COL24A1: variants seen among roughly 807,000 people sequenced by gnomAD.
The protein encoded by COL24A1 is collagen type XXIV alpha 1 chain, also known as collagen alpha-1(XXIV) chain.
COL24A1 carries 224 observed loss-of-function variants against 253.9 expected under a neutral mutation model. The ratio of observed to expected loss-of-function variants is 0.88; its 90% CI spans 0.79 to 0.99. The LOEUF (loss-of-function observed/expected upper bound fraction) is 0.99. Ranked by LOEUF, COL24A1 falls within the 50% of genes least tolerant of loss-of-function variation. COL24A1 has a pLI of 0.00. For missense variants in COL24A1, 2,131 were observed against 2,068.5 expected (o/e 1.03, Z -0.59); for synonymous variants, 685 against 673.7 (o/e 1.02, Z -0.26).
intron 7 of COL24A1, among the ~76,000 whole-genome samples, chr1:86,073,577 C>G (rs1702022510): frequency 6.6e-6 from 1 of 152,178 alleles, no homozygotes; most frequent in Admixed American, 6.5e-5. Context: ...CTTCCCCAAC[C>G]TAGCAAGACA....
At chr1:85,853,348 CT>C (rs952272553) in intron 37 of COL24A1, among the ~76,000 whole-genome samples, 31 of 149,244 alleles carry the variant, frequency 2.1e-4, no homozygotes, top group Non-Finnish European at 2.7e-4. Flanking sequence ...ATACATACCA[CT>C]TTTTTTTTTA....
intron 32 of COL24A1, among the ~76,000 whole-genome samples, chr1:85,885,483 A>T (rs1682391977): frequency 6.6e-6 from 1 of 151,554 alleles, no homozygotes; most frequent in African/African-American, 2.4e-5. Context: ...GGCCTCCCAA[A>T]GTGCTGGGTT....
At chr1:85,981,317 G>T (rs780850759) in intron 20 of COL24A1, among the ~76,000 whole-genome samples, 8 of 152,128 alleles carry the variant, frequency 5.3e-5, no homozygotes, top group Non-Finnish European at 7.3e-5. Flanking sequence ...GGCCAGACAA[G>T]AGAACCCAGA....
In COL24A1 at chr1:86,037,413, G is replaced by T. The variant is rs191387889; in HGVS notation, c.1951-3490C>A. ...AGACTTCTCTTATGAGTTTGATGAA[G>T]TAAGCAGCTGTGTTGGAGAAGTCCA... is the stretch of plus-strand genomic sequence containing the variant. On this transcript the variant is annotated intron_variant, in intron 12 of 59. Coordinates refer to ENST00000370571, the MANE Select transcript of COL24A1 (RefSeq NM_152890.7). 7.0e-4 allele frequency among the ~76,000 whole-genome samples: 107 copies of T among 152,324 alleles called. 2 individuals are homozygous for T. The highest frequency in any genetic ancestry group is 6.9e-3 in the Admixed American group (106 of 15,302).
intron 22 of COL24A1, among the ~76,000 whole-genome samples, chr1:85,969,717 G>A (rs1691955407): frequency 7.0e-6 from 1 of 143,564 alleles, no homozygotes; most frequent in South Asian, 2.4e-4. Flanking sequence ...TAAAATAAAT[G>A]TAACACATAT....
chr1:86,146,506 A>G (rs1475407943), intron 1 of COL24A1, among the ~76,000 whole-genome samples: 2 of 151,856 alleles, frequency 1.3e-5, no homozygotes, highest in Non-Finnish European at 2.9e-5. Context: ...GGAAACATTC[A>G]ATAAATATGA....
At chr1:85,793,457 AAG>A (rs905219137) in intron 47 of COL24A1, among the ~76,000 whole-genome samples, 102 of 151,366 alleles carry the variant, frequency 6.7e-4, no homozygotes, top group Admixed American at 3.7e-3. Context: ...AAGAGAAGGA[AAG>A]AGAGAGAGAG....
chr1:85,874,843 A>C, intron 34 of COL24A1, 141 bp from the exon 35 acceptor site: 1 of 742,526 alleles, frequency 1.3e-6, no homozygotes. Context: ...AATGGGCTGC[A>C]AAACAGCAGG....
intron 53 of COL24A1, among the ~76,000 whole-genome samples, chr1:85,768,984 G>A (rs1667670894): frequency 1.0e-5 from 1 of 95,960 alleles, no homozygotes; most frequent in Non-Finnish European, 2.3e-5. Flanking sequence ...CTCTCAGGGA[G>A]CTGAGCACAG....
At chr1:85,825,044 G>C (rs959427004) in intron 43 of COL24A1, among the ~76,000 whole-genome samples, 1 of 151,300 alleles carries the variant, frequency 6.6e-6, no homozygotes, top group African/African-American at 2.4e-5. Context: ...TCTAGCATTA[G>C]GTATATCCCC....
intron 2 of COL24A1, among the ~76,000 whole-genome samples, chr1:86,144,581 C>T (rs1651614391): frequency 6.6e-6 from 1 of 152,032 alleles, no homozygotes; most frequent in African/African-American, 2.4e-5. Context: ...ATGTAAAGTA[C>T]CAGCAAAAGA....
chr1:85,863,364 G>A (rs1679387434), intron 37 of COL24A1, among the ~76,000 whole-genome samples: 2 of 152,154 alleles, frequency 1.3e-5, no homozygotes, highest in Non-Finnish European at 2.9e-5. Context: ...TTGAGTAGGA[G>A]TGGTGAGAGA....
intron 16 of COL24A1, 73 bp downstream of exon 16, chr1:86,022,760 T>A: frequency 7.9e-7 from 1 of 1,269,190 alleles, no homozygotes; most frequent in Non-Finnish European, 1.0e-6. Flanking sequence ...AAATATTTCA[T>A]AAATTGTGTT....
chr1:85,849,777 A>G (rs1039540900), intron 37 of COL24A1, among the ~76,000 whole-genome samples: 1 of 152,198 alleles, frequency 6.6e-6, no homozygotes. Flanking sequence ...AAAAAGTATA[A>G]ACCCAAAGGC....
intron 24 of COL24A1, among the ~76,000 whole-genome samples, chr1:85,915,196 C>T (rs1233907704): frequency 6.6e-6 from 1 of 152,208 alleles, no homozygotes; most frequent in East Asian, 1.9e-4. Flanking sequence ...CTTTTCTCTC[C>T]ATCTGACTGC....
At chr1:85,821,531 C>T (rs1673618344) in intron 45 of COL24A1, among the ~76,000 whole-genome samples, 2 of 152,128 alleles carry the variant, frequency 1.3e-5, no homozygotes, top group South Asian at 4.1e-4. Flanking sequence ...AACAAGATGA[C>T]AGCAATTGGA....
chr1:85,975,954 G>C (rs970409176), intron 20 of COL24A1, among the ~76,000 whole-genome samples: 8 of 152,262 alleles, frequency 5.3e-5, no homozygotes, highest in African/African-American at 1.9e-4. Flanking sequence ...GAGCATTGTA[G>C]GCACTCCCAT....
intron 5 of COL24A1, among the ~76,000 whole-genome samples, chr1:86,104,201 T>C (rs1314708168): frequency 6.6e-6 from 1 of 152,228 alleles, no homozygotes; most frequent in Non-Finnish European, 1.5e-5. Flanking sequence ...TATGAAATTC[T>C]TATGTGTTTT....
intron 24 of COL24A1, among the ~76,000 whole-genome samples, chr1:85,911,938 C>A (rs1685414078): frequency 6.6e-6 from 1 of 152,094 alleles, no homozygotes. Context: ...GAAGACAAAT[C>A]TAGACCCTGC....
Sources: gnomAD v4.1 joint callset for allele counts (sites outside exome capture counted in the v4.1 genomes callset) on GRCh38, gnomAD v4.1.1 for gene constraint, MANE v1.5 for transcripts, NCBI Gene and HGNC (gene_info 2026-07-23, HGNC 2026-07-21) for gene names.